DHX57: variants seen among roughly 807,000 people sequenced by gnomAD.
DHX57 encodes DExH-box helicase 57, also known as putative ATP-dependent RNA helicase DHX57.
A neutral mutation model predicts 156.2 loss-of-function variants in DHX57; 105 were observed. The ratio of observed to expected loss-of-function variants is 0.67; its 90% CI spans 0.57 to 0.79. The LOEUF is 0.79. DHX57 is among the 30% of genes least tolerant of loss of function. DHX57 has a pLI of 0.00. For synonymous variants in DHX57, 704 were observed against 595.6 expected (o/e 1.18, Z -2.65); for missense variants, 1,847 against 1,661.9 (o/e 1.11, Z -1.94).
At position 38,862,172 on chromosome 2, in the gene DHX57, G is replaced by C. The variant is rs770716601; in HGVS notation, c.545C>G (p.Ser182Cys). 2 of 1,608,030 alleles carry C rather than the reference G, an allele frequency of 1.2e-6. No individual in the cohort carries two copies. Among genetic ancestry groups the C allele is most frequent in the East Asian group, 2.2e-5 (1 of 44,758 alleles). The change falls in exon 4 of 24, where the codon TCC becomes TGC. Residue 182 changes from serine (S) to cysteine (C), a missense_variant. Physicochemically the swap from Ser to Cys is moderately radical, Grantham distance 112. Transcript: ENST00000457308. ...VEPYVPEFTV[S>C]PFAVQKLSRY... ...GGAAAGTTTTTGCACTGCAAATGGG[G>C]AGACTGTAAATTCTGGAACATAAGG...
At chr2:38,807,471 C>A (rs1670011082) in intron 21 of DHX57, among the ~76,000 whole-genome samples, 1 of 152,020 alleles carries the variant, frequency 6.6e-6, no homozygotes, top group South Asian at 2.1e-4. Flanking sequence ...CATTCTCCTG[C>A]CTCAGCCTCC....
intron 1 of DHX57, among the ~76,000 whole-genome samples, chr2:38,870,467 G>T (rs1295859421): frequency 2.6e-5 from 4 of 152,152 alleles, no homozygotes; most frequent in Non-Finnish European, 2.9e-5. Flanking sequence ...ATCATGAAAG[G>T]AGTAAGAGAA....
At chr2:38,823,551 G>A (rs1670935999) in intron 16 of DHX57, among the ~76,000 whole-genome samples, 1 of 152,130 alleles carries the variant, frequency 6.6e-6, no homozygotes, top group African/African-American at 2.4e-5. Context: ...ATAAGTGTTG[G>A]CAAGGATGTG....
chr2:38,831,749 C>T (rs981159770), intron 13 of DHX57, among the ~76,000 whole-genome samples: 2 of 150,486 alleles, frequency 1.3e-5, no homozygotes, highest in Admixed American at 6.7e-5. Flanking sequence ...CCCAGCTACT[C>T]GGGAGGCTGA....
intron 22 of DHX57, among the ~76,000 whole-genome samples, chr2:38,804,133 C>T (rs999039461): frequency 3.9e-5 from 6 of 152,178 alleles, no homozygotes; most frequent in African/African-American, 1.4e-4. Context: ...AGAGTGCTGT[C>T]CCCACTTCTA....
chr2:38,843,712 C>A (rs886180380), intron 11 of DHX57, among the ~76,000 whole-genome samples: 1 of 152,204 alleles, frequency 6.6e-6, no homozygotes, highest in African/African-American at 2.4e-5. Flanking sequence ...TATTAGACAT[C>A]ATGGCAAAGC....
intron 21 of DHX57, among the ~76,000 whole-genome samples, chr2:38,812,648 C>G (rs1670310656): frequency 6.6e-6 from 1 of 152,234 alleles, no homozygotes; most frequent in Non-Finnish European, 1.5e-5. Flanking sequence ...ATTCTCCTGC[C>G]TCAGCCTCCT....
At chr2:38,862,066 C>G in intron 4 of DHX57, 79 bp downstream of exon 4, 1 of 1,461,852 alleles carries the variant, frequency 6.8e-7, no homozygotes, top group Non-Finnish European at 9.2e-7. Context: ...GGAAAGTACA[C>G]AAAGAGGGGT....
chr2:38,819,451 T>C lies in DHX57; in HGVS notation c.3292-307A>G, dbSNP rs185144058. ...TCGGCCTACCAAAATGCTGGCATTA[T>C]AGGCATGAGCCACCACACCAGGTCC... On this transcript the variant is annotated intron_variant, in intron 17 of 23. Transcript: ENST00000457308. Among the ~76,000 whole-genome samples, 41 of 152,352 alleles carry C rather than the reference T, an allele frequency of 2.7e-4. No individual in the cohort carries two copies. The East Asian group carries it at 6.2e-3, about 23-fold the overall frequency.
At chr2:38,856,645 A>T in intron 6 of DHX57, 184 bp from the exon 7 acceptor site, 1 of 649,988 alleles carries the variant, frequency 1.5e-6, no homozygotes, top group South Asian at 2.3e-5. Flanking sequence ...CTGGGACTAC[A>T]GGTGTGTGCC....
intron 13 of DHX57, among the ~76,000 whole-genome samples, chr2:38,835,658 G>C (rs923784229): frequency 6.6e-6 from 1 of 152,208 alleles, no homozygotes; most frequent in Non-Finnish European, 1.5e-5. Context: ...GGAAAGGACT[G>C]TCAATGCTAC....
chr2:38,873,531 T>C (rs1665452026), intron 1 of DHX57, among the ~76,000 whole-genome samples: 1 of 152,234 alleles, frequency 6.6e-6, no homozygotes, highest in African/African-American at 2.4e-5. Context: ...AACAAGACTA[T>C]GTCTATTTTG....
chr2:38,828,292 G>A (rs773553769), intron 14 of DHX57, 48 bp downstream of exon 14: 1 of 1,448,334 alleles, frequency 6.9e-7, no homozygotes, highest in African/African-American at 1.4e-5. Context: ...GATATCTTTA[G>A]AGGTAACTGC....
chr2:38,856,040 G>C (rs1299874062), intron 7 of DHX57, among the ~76,000 whole-genome samples: 1 of 152,108 alleles, frequency 6.6e-6, no homozygotes, highest in Non-Finnish European at 1.5e-5. Context: ...GAACCCAGGA[G>C]GCAAAGGTTG....
rs1400830069 is a variant in DHX57, at chr2:38,855,259, A to G, written c.1710-7T>C. The G allele has an allele frequency of 1.2e-6, 2 of 1,614,156 alleles. No individual in the cohort carries two copies. The highest frequency in any genetic ancestry group is 1.7e-6 in the Non-Finnish European group (2 of 1,179,976). ...TTGTGTGGTTTTCCCACATCTGTACATTAAAACAAATAAGTCCTAAAATGA... is the reference window on the plus strand; with the variant it reads ...TTGTGTGGTTTTCCCACATCTGTACGTTAAAACAAATAAGTCCTAAAATGA... On this transcript the variant is annotated splice_region_variant and splice_polypyrimidine_tract_variant and intron_variant, in intron 7 of 23. Coordinates refer to ENST00000457308, the MANE Select transcript of DHX57 (RefSeq NM_198963.3).
chr2:38,834,526 C>A (rs1270867896), intron 13 of DHX57, among the ~76,000 whole-genome samples: 3 of 151,992 alleles, frequency 2.0e-5, no homozygotes, highest in South Asian at 4.2e-4. Flanking sequence ...CCAAGTAAGT[C>A]ATTTGTTTTG....
At chr2:38,843,485 T>C (rs531666831) in intron 11 of DHX57, among the ~76,000 whole-genome samples, 3 of 152,358 alleles carry the variant, frequency 2.0e-5, no homozygotes, top group South Asian at 4.1e-4. Flanking sequence ...ATTTGAGTTA[T>C]AGCCTTAGTA....
chr2:38,813,720 T>G, intron 21 of DHX57, 101 bp downstream of exon 21: 1 of 1,365,900 alleles, frequency 7.3e-7, no homozygotes, highest in Non-Finnish European at 1.0e-6. Flanking sequence ...CACACATGCG[T>G]ATATATCTCT....
rs545258962 is a variant in DHX57 at position 38,820,528 on chromosome 2, C to T, written c.3292-1384G>A. ...GGGAAAAGGTAATAGAAGTCCTGTT[C>T]ACAAGGTTGATACTGTGTACCCCCA... On this transcript the variant is annotated intron_variant, in intron 17 of 23. Coordinates refer to ENST00000457308, the MANE Select transcript of DHX57 (RefSeq NM_198963.3). Among the ~76,000 whole-genome samples the T allele has an allele frequency of 2.3e-3, 357 of 152,216 alleles. 2 individuals carry two copies. Among genetic ancestry groups the T allele is most frequent in the Admixed American group, 3.5e-3 (54 of 15,262 alleles).
Sources: gnomAD v4.1 joint callset for allele counts (sites outside exome capture counted in the v4.1 genomes callset) on GRCh38, gnomAD v4.1.1 for gene constraint, MANE v1.5 for transcripts, NCBI Gene and HGNC (gene_info 2026-07-23, HGNC 2026-07-21) for gene names.